The following ACVR1C variants were observed in gnomAD, a reference collection of about 807,000 sequenced individuals.
ACVR1C encodes the protein activin A receptor type 1C.
In ACVR1C, 23 loss-of-function variants were observed where a neutral mutation model predicts 57.9. That is an observed-to-expected ratio of 0.40 (90% CI 0.29 to 0.56). The LOEUF (loss-of-function observed/expected upper bound fraction) is 0.56. ACVR1C is among the 20% of genes least tolerant of loss of function. ACVR1C has a pLI of 0.50. For synonymous variants in ACVR1C, 214 were observed against 215.3 expected, an observed-to-expected ratio of 0.99 and a Z score of 0.05; for missense variants, 480 against 607.9, an observed-to-expected ratio of 0.79 and a Z score of 2.21.
At chr2:157,536,244 T>C (rs2105200874) in intron 8 of ACVR1C, among the ~76,000 whole-genome samples, 1 of 152,256 alleles carries the variant, frequency 6.6e-6, no homozygotes, top group East Asian at 1.9e-4. Context: ...GAGAAAAAAC[T>C]ATTTGAAGAA....
At chr2:157,579,137 T>C (rs1326012008) in intron 2 of ACVR1C, among the ~76,000 whole-genome samples, 5 of 152,210 alleles carry the variant, frequency 3.3e-5, no homozygotes, top group Non-Finnish European at 7.3e-5. Context: ...ATTCATTGAC[T>C]TTCTTGGGAT....
At chr2:157,598,661 T>C (rs1682199392) in intron 1 of ACVR1C, among the ~76,000 whole-genome samples, 1 of 151,828 alleles carries the variant, frequency 6.6e-6, no homozygotes, top group Non-Finnish European at 1.5e-5. Context: ...TGCCTCAGCC[T>C]TCCGAGTAGC....
chr2:157,609,104 T>C (rs1202149036), intron 1 of ACVR1C, among the ~76,000 whole-genome samples: 1 of 151,868 alleles, frequency 6.6e-6, no homozygotes, highest in East Asian at 1.9e-4. Flanking sequence ...TGGGCATTTA[T>C]CTCTATAAAC....
chr2:157,626,836 T>C (rs1682906250), intron 1 of ACVR1C, among the ~76,000 whole-genome samples: 1 of 152,240 alleles, frequency 6.6e-6, no homozygotes, highest in Non-Finnish European at 1.5e-5. Context: ...GAAAAGTTTT[T>C]CATAAAAGTT....
Position 157,586,195 on chromosome 2 carries a change from A to G in ACVR1C, c.304+992T>C, listed in dbSNP as rs148310233. Among the ~76,000 whole-genome samples, 5 of 152,208 alleles carry G rather than the reference A, an allele frequency of 3.3e-5. No homozygotes were observed. In the South Asian group the frequency reaches 8.3e-4, roughly 25 times the overall value. On this transcript the variant is annotated intron_variant, in intron 2 of 8. Transcript: ENST00000243349. ...GCATTGTTTGTTTGTTTACATAGTT[A>G]TCTTCTATTTAGGGCAAGTACACTG...
chr2:157,590,502 T>G (rs1465487460), intron 1 of ACVR1C, among the ~76,000 whole-genome samples: 5 of 151,932 alleles, frequency 3.3e-5, no homozygotes, highest in African/African-American at 1.2e-4. Context: ...AAGCATCATT[T>G]CTAGAAACAT....
chr2:157,554,283 G>GGA (rs1339528061), intron 3 of ACVR1C, among the ~76,000 whole-genome samples: 1,805 of 109,746 alleles, frequency 0.016, 116 homozygotes, highest in African/African-American at 0.072. Flanking sequence ...AAGGAAGGAA[G>GGA]AGAGAGAGAG....
At chr2:157,540,969 A>T in intron 7 of ACVR1C, 121 bp downstream of exon 7, 1 of 1,220,834 alleles carries the variant, frequency 8.2e-7, no homozygotes, top group Non-Finnish European at 1.1e-6. Context: ...ACCAAAAGGT[A>T]TTCTCTTAAA....
intron 1 of ACVR1C, among the ~76,000 whole-genome samples, chr2:157,616,020 C>CTCTCCGAGCT (rs1445950485): frequency 6.6e-6 from 1 of 152,094 alleles, no homozygotes; most frequent in African/African-American, 2.4e-5. Context: ...CTGGATTGGG[C>CTCTCCGAGCT]TCTCCGAGCT....
At chr2:157,565,570 A>C (rs1236822257) in intron 2 of ACVR1C, among the ~76,000 whole-genome samples, 1 of 152,228 alleles carries the variant, frequency 6.6e-6, no homozygotes, top group Non-Finnish European at 1.5e-5. Flanking sequence ...ATACTGAATA[A>C]GGACAGAAGA....
Position 157,544,501 on chromosome 2 carries a change from G to T in ACVR1C, c.887C>A (p.Ala296Glu). Residue 296 changes from alanine to glutamate, a missense_variant, in exon 5 of 9, where the codon GCG becomes GAG. Coordinates refer to ENST00000243349, the MANE Select transcript of ACVR1C (RefSeq NM_145259.3). ...TGCCAGACCACTAGCAATTGAGAGCGCCAGCTTGATCATTCCAGCCACGGT... is the reference window on the plus strand; with the variant it reads ...TGCCAGACCACTAGCAATTGAGAGCTCCAGCTTGATCATTCCAGCCACGGT... ...IVTVAGMIKL[A>E]LSIASGLAHL... 3 of 1,613,830 alleles carry T rather than the reference G, an allele frequency of 1.9e-6. No individual in the cohort carries two copies. The highest frequency in any genetic ancestry group is 1.1e-5 in the South Asian group (1 of 91,058).
At position 157,591,784 on chromosome 2, in the gene ACVR1C, C is replaced by T. The variant is rs559190418; in HGVS notation, c.74-4367G>A. Among the ~76,000 whole-genome samples, 4 of 152,016 alleles carry T rather than the reference C, an allele frequency of 2.6e-5. No homozygotes were observed. The South Asian group carries it at 6.2e-4, about 24-fold the overall frequency. Reference sequence around the variant, plus strand: ...AATATATGTTAGTTTCACATGCATTCGTCATCTCATATAATCCCACTGCAA... The same window carrying T: ...AATATATGTTAGTTTCACATGCATTTGTCATCTCATATAATCCCACTGCAA... On this transcript the variant is annotated intron_variant, in intron 1 of 8. Coordinates refer to ENST00000243349, the MANE Select transcript of ACVR1C (RefSeq NM_145259.3).
intron 1 of ACVR1C, among the ~76,000 whole-genome samples, chr2:157,588,273 A>G (rs190936643): frequency 4.6e-5 from 7 of 151,658 alleles, no homozygotes; most frequent in African/African-American, 1.7e-4. Context: ...ACACAAACAC[A>G]TTCACCACTA....
At chr2:157,554,975 C>A (rs1180447531) in intron 3 of ACVR1C, among the ~76,000 whole-genome samples, 2 of 151,718 alleles carry the variant, frequency 1.3e-5, no homozygotes, top group Non-Finnish European at 2.9e-5. Flanking sequence ...ACTGTCCCCC[C>A]ACTCCGCCAA....
In ACVR1C at chr2:157,628,499, C is replaced by A. The variant is rs954548097; in HGVS notation, c.73+73G>T. ...TGCTCGGAGCACCCCCTGTCCCCCACCCCCGTGCTCACCCGCAGACCTCCT... is the reference window on the plus strand; with the variant it reads ...TGCTCGGAGCACCCCCTGTCCCCCAACCCCGTGCTCACCCGCAGACCTCCT... On this transcript the variant is annotated intron_variant, in intron 1 of 8. Coordinates refer to ENST00000243349, the MANE Select transcript of ACVR1C (RefSeq NM_145259.3). 23 of 1,512,486 alleles carry A rather than the reference C, an allele frequency of 1.5e-5. No homozygotes were observed. The East Asian group carries it at 4.6e-4, about 30-fold the overall frequency. The allele number at this position is 1,512,486 out of a possible 1,614,324, so 93.7% of individuals were successfully genotyped here. A position where few individuals can be genotyped will look rare whatever the true frequency, so the allele number is the denominator to read the frequency against.
intron 3 of ACVR1C, among the ~76,000 whole-genome samples, chr2:157,554,524 A>G (rs1688042801): frequency 6.6e-6 from 1 of 152,158 alleles, no homozygotes; most frequent in Non-Finnish European, 1.5e-5. Flanking sequence ...TCTTACCAGT[A>G]TTCTTCCTTT....
In ACVR1C at chr2:157,527,173, C is replaced by G. The variant is rs1364925257; in HGVS notation, c.*6745G>C. ...ATTTCTCTTTGGAGTTTGAAATTCT[C>G]TTCACCTTCCACATTTAAATTACAA... On this transcript the variant is annotated 3_prime_UTR_variant, in exon 9 of 9. Transcript: ENST00000243349. 6.6e-6 allele frequency: 1 copy of G among 152,228 alleles called. No homozygotes were observed. Among genetic ancestry groups the G allele is most frequent in the South Asian group, 2.1e-4 (1 of 4,832 alleles). The allele number at this position is 152,228 out of a possible 1,614,324, so 9.4% of individuals were successfully genotyped here.
chr2:157,541,807 GCT>G (rs1687630875), intron 6 of ACVR1C, among the ~76,000 whole-genome samples: 1 of 152,174 alleles, frequency 6.6e-6, no homozygotes, highest in Non-Finnish European at 1.5e-5. Context: ...CTCAAATACG[GCT>G]TGAAGGCCAG....
chr2:157,554,510 G>A (rs545788400), intron 3 of ACVR1C, among the ~76,000 whole-genome samples: 1 of 152,032 alleles, frequency 6.6e-6, no homozygotes, highest in South Asian at 2.1e-4. Context: ...CAGTTTGGGG[G>A]TTTTCTTACC....
Sources: gnomAD v4.1 joint callset for allele counts (sites outside exome capture counted in the v4.1 genomes callset) on GRCh38, gnomAD v4.1.1 for gene constraint, MANE v1.5 for transcripts, NCBI Gene and HGNC (gene_info 2026-07-23, HGNC 2026-07-21) for gene names.